USH2A: variants seen among roughly 807,000 people sequenced by gnomAD.
USH2A encodes usherin.
In USH2A, 443 loss-of-function variants were observed where a neutral mutation model predicts 538.9. That is an observed-to-expected ratio of 0.82 (90% CI 0.76 to 0.89). USH2A has a LOEUF of 0.89. USH2A is among the 40% of genes least tolerant of loss of function. USH2A has a pLI of 0.00. For missense variants in USH2A, 6,633 were observed against 6,324.8 expected (o/e 1.05, Z -1.65); for synonymous variants, 2,413 against 2,273.5 (o/e 1.06, Z -1.75).
intron 47 of USH2A, among the ~76,000 whole-genome samples, chr1:215,827,466 C>T (rs550906644): frequency 6.6e-6 from 1 of 152,244 alleles, no homozygotes; most frequent in South Asian, 2.1e-4. Flanking sequence ...ATAGCAGAGC[C>T]ATAATAATAA....
intron 33 of USH2A, 150 bp downstream of exon 33, chr1:216,000,253 T>C: frequency 9.2e-7 from 1 of 1,091,998 alleles, no homozygotes; most frequent in Non-Finnish European, 1.3e-6. Flanking sequence ...TGGCAAGTGA[T>C]AATCAAAGGT....
chr1:216,363,965 T>C (rs1181056316), intron 4 of USH2A, among the ~76,000 whole-genome samples: 2 of 151,516 alleles, frequency 1.3e-5, no homozygotes, highest in African/African-American at 4.8e-5. Flanking sequence ...TATCTATCTC[T>C]GAAGATAGAA....
At chr1:215,751,778 C>T (rs1333121009) in intron 58 of USH2A, among the ~76,000 whole-genome samples, 1 of 152,092 alleles carries the variant, frequency 6.6e-6, no homozygotes, top group African/African-American at 2.4e-5. Flanking sequence ...AGGTTGTTTA[C>T]ATTACCTAAA....
intron 43 of USH2A, among the ~76,000 whole-genome samples, chr1:215,875,365 G>T (rs148446690): frequency 2.6e-5 from 4 of 151,644 alleles, no homozygotes; most frequent in Non-Finnish European, 4.4e-5. Flanking sequence ...AAGTACTACC[G>T]GAAAAAAATG....
intron 50 of USH2A, among the ~76,000 whole-genome samples, chr1:215,797,355 C>T (rs1199380707): frequency 6.6e-6 from 1 of 152,196 alleles, no homozygotes; most frequent in Non-Finnish European, 1.5e-5. Flanking sequence ...GGTAAGATCA[C>T]TGATGAAGGT....
intron 14 of USH2A, among the ~76,000 whole-genome samples, chr1:216,222,069 C>T (rs907796223): frequency 2.6e-5 from 4 of 152,076 alleles, no homozygotes; most frequent in South Asian, 2.1e-4. Context: ...AGGTGATTTA[C>T]GCAGAGAAAT....
At chr1:216,102,952 C>T (rs368319855) in intron 21 of USH2A, among the ~76,000 whole-genome samples, 1 of 152,294 alleles carries the variant, frequency 6.6e-6, no homozygotes, top group African/African-American at 2.4e-5. Flanking sequence ...ATTACACCTT[C>T]AAACTGAAAC....
At chr1:215,917,422 A>G (rs1159725658) in intron 38 of USH2A, among the ~76,000 whole-genome samples, 2 of 152,200 alleles carry the variant, frequency 1.3e-5, no homozygotes, top group African/African-American at 4.8e-5. Flanking sequence ...TAAAATATAT[A>G]CAACAATACT....
At chr1:215,782,481 G>A (rs1315116647) in intron 53 of USH2A, among the ~76,000 whole-genome samples, 1 of 152,052 alleles carries the variant, frequency 6.6e-6, no homozygotes, top group Non-Finnish European at 1.5e-5. Context: ...TGCCTTGCTT[G>A]TTTTGAAAGC....
chr1:216,074,617 A>G (rs2031687549), intron 27 of USH2A, among the ~76,000 whole-genome samples: 1 of 152,150 alleles, frequency 6.6e-6, no homozygotes, highest in Non-Finnish European at 1.5e-5. Context: ...CAATACTGCT[A>G]GTCTATCTTA....
chr1:216,130,343 T>C (rs979752516), intron 21 of USH2A, among the ~76,000 whole-genome samples: 2 of 151,664 alleles, frequency 1.3e-5, no homozygotes, highest in Non-Finnish European at 2.9e-5. Context: ...CCAAAGTCCA[T>C]TGTGTTATTC....
At chr1:216,090,876 C>T (rs1056301887) in intron 22 of USH2A, among the ~76,000 whole-genome samples, 5 of 152,116 alleles carry the variant, frequency 3.3e-5, no homozygotes, top group Admixed American at 6.6e-5. Flanking sequence ...TTATTAAATG[C>T]TGTCTCATCA....
intron 63 of USH2A, among the ~76,000 whole-genome samples, chr1:215,672,339 G>C (rs1657843522): frequency 6.6e-6 from 1 of 151,800 alleles, no homozygotes; most frequent in South Asian, 2.1e-4. Flanking sequence ...TTCTGTTCTT[G>C]TACATGTTCT....
chr1:216,299,501 TTGGC>T (rs1301893396), intron 9 of USH2A, among the ~76,000 whole-genome samples: 1 of 152,066 alleles, frequency 6.6e-6, no homozygotes, highest in Non-Finnish European at 1.5e-5. Flanking sequence ...ACTAAGATTA[TTGGC>T]TGGGGTTACC....
chr1:215,813,597 TA>T (rs1367148665), intron 49 of USH2A, 138 bp downstream of exon 49: 39 of 971,138 alleles, frequency 4.0e-5, no homozygotes, highest in Admixed American at 1.1e-4. Flanking sequence ...AAACAATATT[TA>T]GAGCAGGCCA....
intron 55 of USH2A, among the ~76,000 whole-genome samples, chr1:215,773,411 G>T (rs1661347806): frequency 6.6e-6 from 1 of 151,252 alleles, no homozygotes; most frequent in Non-Finnish European, 1.5e-5. Context: ...ATATAAATCA[G>T]ACACTGCCTT....
intron 61 of USH2A, among the ~76,000 whole-genome samples, chr1:215,692,898 T>C (rs905728306): frequency 1.3e-5 from 2 of 151,898 alleles, no homozygotes; most frequent in African/African-American, 2.4e-5. Flanking sequence ...TTTACCATTT[T>C]CTTTTCGTTT....
chr1:215,853,970 T>C (rs1292852516), intron 44 of USH2A, among the ~76,000 whole-genome samples: 1 of 152,228 alleles, frequency 6.6e-6, no homozygotes. Flanking sequence ...CTCTGCCTGT[T>C]ACCCAATTCC....
rs1656945738 is a variant in USH2A, at chr1:215,648,735, A to G, written c.14375T>C (p.Leu4792Pro). 2 of 1,614,024 alleles carry G rather than the reference A, an allele frequency of 1.2e-6. No individual in the cohort carries two copies. The highest frequency in any genetic ancestry group is 1.7e-5 in the Admixed American group (1 of 60,004). ...LSEGMATQQT[L>P]HGLQAFTNYS... ...GTTAGTGAAGGCTTGAAGGCCATGG[A>G]GAGTCTGCTGGGTGGCCATGCCTTC... Residue 4792 changes from leucine (L) to proline (P), a missense_variant, in exon 66 of 72, where the codon CTC (leucine) becomes CCC (proline). Transcript: ENST00000307340.
Sources: gnomAD v4.1 joint callset for allele counts (sites outside exome capture counted in the v4.1 genomes callset) on GRCh38, gnomAD v4.1.1 for gene constraint, MANE v1.5 for transcripts, NCBI Gene and HGNC (gene_info 2026-07-23, HGNC 2026-07-21) for gene names.